SEPTIN7: variants seen among roughly 807,000 people sequenced by gnomAD.
SEPTIN7 encodes the protein septin 7.
A neutral mutation model predicts 63.3 loss-of-function variants in SEPTIN7; 10 were observed. That is an observed-to-expected ratio of 0.16 (90% CI 0.10 to 0.27). The LOEUF (loss-of-function observed/expected upper bound fraction) is 0.27, where lower values mean the gene tolerates loss of function less well. Among genes scored for constraint, SEPTIN7 ranks in the 10% least tolerant of loss-of-function variants. The pLI, the probability that SEPTIN7 is intolerant of heterozygous loss-of-function variation, is 1.00. For synonymous variants in SEPTIN7, 131 were observed against 165.3 expected, an observed-to-expected ratio of 0.79 and a Z score of 1.59; for missense variants, 310 against 521.0, an observed-to-expected ratio of 0.59 and a Z score of 3.94.
At chr7:35,808,596 T>C (rs1261831528) in intron 1 of SEPTIN7, among the ~76,000 whole-genome samples, 1 of 152,200 alleles carries the variant, frequency 6.6e-6, no homozygotes, top group East Asian at 1.9e-4. Flanking sequence ...TTGGCGTCTC[T>C]GCTTCCAAGA....
chr7:35,888,823 CAA>C (rs70974780), intron 10 of SEPTIN7: 6,079 of 185,452 alleles, frequency 0.033, no homozygotes, highest in South Asian at 0.063. Context: ...GACCCTGTAT[CAA>C]AAAAAAAAAA....
intron 1 of SEPTIN7, among the ~76,000 whole-genome samples, chr7:35,804,482 T>C (rs1254122210): frequency 6.6e-6 from 1 of 152,236 alleles, no homozygotes; most frequent in East Asian, 1.9e-4. Flanking sequence ...CTTGGTGCAG[T>C]CCAGCTATCC....
rs1274254955 is a variant in SEPTIN7 at position 35,861,740 on chromosome 7, C to G, written c.170-1812C>G. 1.3e-5 allele frequency among the ~76,000 whole-genome samples: 2 copies of G among 152,256 alleles called. 1 individual carries two copies. Among genetic ancestry groups the G allele is most frequent in the South Asian group, 4.1e-4 (2 of 4,828 alleles). On this transcript the variant is annotated intron_variant, in intron 3 of 13. Coordinates refer to ENST00000350320, the MANE Select transcript of SEPTIN7 (RefSeq NM_001788.6). ...CCAATGAGGTCCCAGTTAGGCAAAA[C>G]AGGAATCAGTTCTTCTGGCAGACCA...
At chr7:35,874,260 C>T (rs1370361498) in intron 6 of SEPTIN7, 1 of 156,494 alleles carries the variant, frequency 6.4e-6, no homozygotes, top group African/African-American at 2.4e-5. Flanking sequence ...TTCACCTTAG[C>T]TGTCATAGAC....
At chr7:35,824,293 G>A (rs1207432938) in intron 1 of SEPTIN7, among the ~76,000 whole-genome samples, 1 of 152,078 alleles carries the variant, frequency 6.6e-6, no homozygotes, top group Non-Finnish European at 1.5e-5. Flanking sequence ...GGCTGCTACA[G>A]TTGACCTCCT....
chr7:35,849,296 G>T (rs949775660), intron 3 of SEPTIN7, among the ~76,000 whole-genome samples: 21 of 152,250 alleles, frequency 1.4e-4, no homozygotes, highest in Admixed American at 7.2e-4. Flanking sequence ...CAATTTTTCT[G>T]CCAGGGTGTG....
chr7:35,871,235 A>C (rs1288883702), intron 4 of SEPTIN7, among the ~76,000 whole-genome samples: 1 of 152,224 alleles, frequency 6.6e-6, no homozygotes, highest in African/African-American at 2.4e-5. Context: ...TTTCTCTAAA[A>C]GATAAGTCAT....
intron 1 of SEPTIN7, among the ~76,000 whole-genome samples, chr7:35,802,768 C>T (rs1383302379): frequency 6.6e-6 from 1 of 151,316 alleles, no homozygotes; most frequent in African/African-American, 2.4e-5. Flanking sequence ...TTCTTTATTT[C>T]TTCAGACTGC....
chr7:35,822,022 G>A (rs548336554), intron 1 of SEPTIN7, among the ~76,000 whole-genome samples: 21 of 152,104 alleles, frequency 1.4e-4, no homozygotes, highest in Non-Finnish European at 2.6e-4. Context: ...TGATCCACCC[G>A]CCTTGGCCTC....
chr7:35,827,634 G>A (rs1347855654), intron 1 of SEPTIN7, among the ~76,000 whole-genome samples: 2 of 152,080 alleles, frequency 1.3e-5, no homozygotes, highest in Non-Finnish European at 2.9e-5. Context: ...GGGACTACAG[G>A]TGTGCGCCAC....
chr7:35,825,109 A>G (rs995656786), intron 1 of SEPTIN7, among the ~76,000 whole-genome samples: 3 of 152,038 alleles, frequency 2.0e-5, no homozygotes, highest in Admixed American at 6.6e-5. Context: ...GGGGATTACT[A>G]CCATTTTCTC....
At position 35,801,218 on chromosome 7, in the gene SEPTIN7, C is replaced by G; in HGVS notation, c.9C>G (p.Val3=). The G allele has an allele frequency of 2.0e-6, 3 of 1,525,800 alleles. No homozygotes were observed. The highest frequency in any genetic ancestry group is 1.4e-5 in the African/African-American group (1 of 70,810). 94.5% of individuals were successfully genotyped at this position (1,525,800 alleles called of 1,614,324 possible). A position where few individuals can be genotyped will look rare whatever the true frequency, so the allele number is the denominator to read the frequency against. Residue 3 remains valine (V), a synonymous_variant, in exon 1 of 14, where the codon GTC becomes GTG. Transcript: ENST00000350320. MS[V]SARSAAAEER... ...GCGGAGGGGGGGAGGGGATGTCGGT[C>G]AGTGCGAGATCCGCTGCTGCTGAGG...
At chr7:35,875,877 T>C (rs1439431382) in intron 6 of SEPTIN7, among the ~76,000 whole-genome samples, 4 of 152,160 alleles carry the variant, frequency 2.6e-5, no homozygotes, top group Non-Finnish European at 5.9e-5. Context: ...CTAGTATGGG[T>C]TTATCTTCTA....
intron 1 of SEPTIN7, among the ~76,000 whole-genome samples, chr7:35,824,732 T>C (rs1783414362): frequency 6.6e-6 from 1 of 152,188 alleles, no homozygotes; most frequent in Non-Finnish European, 1.5e-5. Flanking sequence ...CCAATAGCAA[T>C]TTGATGCAAG....
intron 9 of SEPTIN7, 107 bp downstream of exon 9, chr7:35,884,094 A>T: frequency 1.7e-6 from 1 of 597,252 alleles, no homozygotes; most frequent in African/African-American, 1.9e-5. Flanking sequence ...TATAGTCTAG[A>T]TTTTCAAGGA....
chr7:35,864,999 CCTT>C (rs1785727074), intron 4 of SEPTIN7, among the ~76,000 whole-genome samples: 2 of 151,542 alleles, frequency 1.3e-5, no homozygotes, highest in South Asian at 4.2e-4. Flanking sequence ...TCTTATTTCT[CCTT>C]CTCAATGTTT....
intron 1 of SEPTIN7, among the ~76,000 whole-genome samples, chr7:35,826,012 G>T (rs1282483030): frequency 2.6e-5 from 4 of 151,792 alleles, no homozygotes; most frequent in South Asian, 4.2e-4. Flanking sequence ...GAGGGATGAG[G>T]AACATAAAAA....
intron 10 of SEPTIN7, among the ~76,000 whole-genome samples, chr7:35,889,304 CTA>C (rs1787490624): frequency 6.6e-6 from 1 of 152,066 alleles, no homozygotes; most frequent in South Asian, 2.1e-4. Context: ...ACTATTGTGG[CTA>C]TAAGAGAACG....
intron 11 of SEPTIN7, among the ~76,000 whole-genome samples, chr7:35,891,803 A>G (rs539486776): frequency 1.2e-4 from 19 of 152,212 alleles, no homozygotes; most frequent in Admixed American, 3.9e-4. Context: ...AATTTTAAAA[A>G]ACTTTTTGGT....
Sources: gnomAD v4.1 joint callset for allele counts (sites outside exome capture counted in the v4.1 genomes callset) on GRCh38, gnomAD v4.1.1 for gene constraint, MANE v1.5 for transcripts, NCBI Gene and HGNC (gene_info 2026-07-23, HGNC 2026-07-21) for gene names.